Variants in NLRX1 observed in about 807,000 individuals in gnomAD.
NLRX1 encodes NLR family member X1, also known as NOD-like receptor X1.
In NLRX1, 67 loss-of-function variants were observed where a neutral mutation model predicts 74.2. The observed-to-expected ratio is 0.90, with a 90% CI of 0.74 to 1.11. The LOEUF is 1.11. Ranked by LOEUF, NLRX1 falls within the 50% of genes least tolerant of loss-of-function variation. The pLI is 0.00. For missense variants in NLRX1, 1,191 were observed against 1,305.4 expected, an observed-to-expected ratio of 0.91 and a Z score of 1.35; for synonymous variants, 506 against 559.1, an observed-to-expected ratio of 0.91 and a Z score of 1.34.
At chr11:119,182,526 C>T (rs933523703) in intron 9 of NLRX1, among the ~76,000 whole-genome samples, 181 bp downstream of exon 9, 7 of 152,146 alleles carry the variant, frequency 4.6e-5, no homozygotes, top group African/African-American at 7.2e-5. Flanking sequence ...CTGTGACTGG[C>T]GCTTAAACTG....
At chr11:119,171,558 G>T in intron 2 of NLRX1, 85 bp downstream of exon 2, 2 of 940,318 alleles carry the variant, frequency 2.1e-6, no homozygotes, top group South Asian at 1.4e-5. Flanking sequence ...CAGGGATCCA[G>T]ACACCAGGTG....
In NLRX1 at chr11:119,174,663, C is replaced by A. The variant is rs199828804; in HGVS notation, c.1060C>A (p.Leu354Ile). Residue 354 changes from leucine to isoleucine, a missense_variant, in exon 6 of 10, where the codon CTC becomes ATC. Physicochemically the swap from Leu to Ile is conservative, Grantham distance 5 (BLOSUM62 2). Coordinates refer to ENST00000409109, the MANE Select transcript of NLRX1 (RefSeq NM_001282144.2). ...TCAGCGTGACCACCTGGTGCAGATG[C>A]TCTCCCGGAACCTGGAGGGGCACCA... Reference protein sequence around the residue: ...PAQRDHLVQMLSRNLEGHHQI... With the variant: ...PAQRDHLVQMISRNLEGHHQI... The A allele has an allele frequency of 6.0e-4, 971 of 1,614,054 alleles. 4 individuals carry two copies. In the Middle Eastern group the frequency reaches 0.017, roughly 28 times the overall value.
chr11:119,173,050 G>A lies in NLRX1; in HGVS notation c.229+61G>A, dbSNP rs1361373982. ...TGGTGGGCAGACGGGGCTGGAAGGA[G>A]AAGCAGGGTGAGGGAGGCATAGAGG... On this transcript the variant is annotated intron_variant, in intron 4 of 9. Transcript: ENST00000409109. The surrounding 1 kb of genome is among the most constrained non-coding windows in gnomAD (Gnocchi z 4.0). 9.8e-6 allele frequency: 13 copies of A among 1,328,960 alleles called. No individual in the cohort carries two copies. In the African/African-American group the frequency reaches 1.7e-4, roughly 18 times the overall value. The allele number at this position is 1,328,960 out of a possible 1,614,324, so 82.3% of individuals were successfully genotyped here.
At chr11:119,182,822 G>C (rs1299614318) in intron 9 of NLRX1, among the ~76,000 whole-genome samples, 2 of 151,964 alleles carry the variant, frequency 1.3e-5, no homozygotes, top group East Asian at 3.9e-4. Flanking sequence ...GGCAGGTGGA[G>C]GTTGCAGTAA....
At chr11:119,174,391 G>A in intron 5 of NLRX1, 62 bp from the exon 6 acceptor site, 1 of 1,525,416 alleles carries the variant, frequency 6.6e-7, no homozygotes, top group Non-Finnish European at 8.9e-7. Flanking sequence ...GGGTCCCCTG[G>A]GAATAGAAGC....
At position 119,179,955 on chromosome 11, in the gene NLRX1, C is replaced by T. The variant is rs751041444; in HGVS notation, c.1934C>T (p.Pro645Leu). 6.2e-7 allele frequency: 1 copy of T among 1,613,392 alleles called. No individual in the cohort carries two copies. Among genetic ancestry groups the T allele is most frequent in the Non-Finnish European group, 8.5e-7 (1 of 1,179,568 alleles). The change falls in exon 7 of 10, where the codon CCC (proline) becomes CTC (leucine). Residue 645 changes from proline (P) to leucine (L), a missense_variant. Pro to Leu is a moderately conservative substitution (Grantham distance 98, BLOSUM62 -3). Coordinates refer to ENST00000409109, the MANE Select transcript of NLRX1 (RefSeq NM_001282144.2). ...NRAVLAQLGC[P>L]IKNLDALENA... ...GCTGTGCTAGCTCAGCTTGGCTGCC[C>T]CATCAAGAACCTGGATGCCCTGGAG...
Position 119,171,375 on chromosome 11 carries a change from C to T in NLRX1, c.-29C>T. The T allele has an allele frequency of 6.2e-7, 1 of 1,611,110 alleles. No homozygotes were observed. Among genetic ancestry groups the T allele is most frequent in the Non-Finnish European group, 8.5e-7 (1 of 1,178,828 alleles). On this transcript the variant is annotated 5_prime_UTR_variant, in exon 2 of 10. Transcript: ENST00000409109. ...TTGCAGGACAGAAGTCGGTCCTAGG[C>T]CCCCCAGGCTCTGACCTTCTTTCCC...
chr11:119,179,057 G>A (rs1371912286), intron 6 of NLRX1, among the ~76,000 whole-genome samples: 2 of 152,180 alleles, frequency 1.3e-5, no homozygotes, highest in South Asian at 2.1e-4. Context: ...GGAGCATAGC[G>A]AGTGGGGCCA....
rs1417279132 is a variant in NLRX1, at chr11:119,183,089, A to G, written c.2607-29A>G. Reference sequence around the variant, plus strand: ...GGCCCTCCTTCTCAGAGCTCTACTGAATGGCATCGACTTTCTCTCTCCTGC... The same window carrying G: ...GGCCCTCCTTCTCAGAGCTCTACTGGATGGCATCGACTTTCTCTCTCCTGC... On this transcript the variant is annotated intron_variant, in intron 9 of 9. Coordinates refer to ENST00000409109, the MANE Select transcript of NLRX1 (RefSeq NM_001282144.2). This position sits in a 1 kb window ranked among gnomAD's most constrained non-coding sequence, Gnocchi z 5.7. The G allele has an allele frequency of 2.5e-6, 4 of 1,604,404 alleles. No individual in the cohort carries two copies. Among genetic ancestry groups the G allele is most frequent in the East Asian group, 2.2e-5 (1 of 44,726 alleles).
chr11:119,171,255 TGATCCTCTCCTGGGAGGAA>T, intron 1 of NLRX1, 82 bp from the exon 2 acceptor site: 1 of 724,672 alleles, frequency 1.4e-6, no homozygotes, highest in South Asian at 2.1e-5. Flanking sequence ...GAGGAAGGGC[TGATCCTCTCCTGGGAGGAA>T]GGTCCCTCCT....
Position 119,174,912 on chromosome 11 carries a change from G to C in NLRX1, c.1309G>C (p.Val437Leu), listed in dbSNP as rs201584722. The stretch of plus-strand genomic sequence containing the variant: ...CATGGGCAAGTTGGCCTATGAGGGG[G>C]TGTCCTCCCGCAAGACCTACTTCTC... ...RTMGKLAYEG[V>L]SSRKTYFSEE... Residue 437 changes from valine to leucine, a missense_variant, in exon 6 of 10, where the codon GTG (valine) becomes CTG (leucine). Transcript: ENST00000409109. 6 of 1,613,946 alleles carry C rather than the reference G, an allele frequency of 3.7e-6. No individual in the cohort carries two copies. The highest frequency in any genetic ancestry group is 5.1e-6 in the Non-Finnish European group (6 of 1,180,060).
At chr11:119,175,908 G>A (rs1435830291) in intron 6 of NLRX1, among the ~76,000 whole-genome samples, 10 of 152,170 alleles carry the variant, frequency 6.6e-5, no homozygotes, top group Non-Finnish European at 1.2e-4. Context: ...TGTGCCAGGC[G>A]CGTTATCAGT....
chr11:119,171,000 C>T (rs940155580), intron 1 of NLRX1, among the ~76,000 whole-genome samples: 8 of 152,018 alleles, frequency 5.3e-5, no homozygotes, highest in Non-Finnish European at 1.0e-4. Context: ...AAAATTAGCC[C>T]AGTGTGGTGG....
chr11:119,179,064 G>C (rs1303835759), intron 6 of NLRX1, among the ~76,000 whole-genome samples: 1 of 152,206 alleles, frequency 6.6e-6, no homozygotes, highest in Non-Finnish European at 1.5e-5. Flanking sequence ...AGCGAGTGGG[G>C]CCAAGAGGCT....
intron 5 of NLRX1, 135 bp from the exon 6 acceptor site, chr11:119,174,318 G>A: frequency 9.5e-7 from 1 of 1,054,590 alleles, no homozygotes; most frequent in Non-Finnish European, 1.4e-6. Context: ...CAGGTGTTCA[G>A]TAATTGCTAG....
At chr11:119,182,371 C>T (rs937653559) in intron 9 of NLRX1, 26 bp downstream of exon 9, 3 of 1,598,854 alleles carry the variant, frequency 1.9e-6, no homozygotes, top group Non-Finnish European at 8.5e-7. Context: ...GGTCCCATTG[C>T]CCCCAGCCCT....
In NLRX1 at chr11:119,173,157, C is replaced by T. The variant is rs1296282759; in HGVS notation, c.229+168C>T. The T allele has an allele frequency of 4.7e-6, 3 of 635,020 alleles. No homozygotes were observed. The highest frequency in any genetic ancestry group is 8.4e-6 in the Non-Finnish European group (3 of 356,456). The allele number at this position is 635,020 out of a possible 1,614,324, so 39.3% of individuals were successfully genotyped here. On this transcript the variant is annotated intron_variant, in intron 4 of 9. Coordinates refer to ENST00000409109, the MANE Select transcript of NLRX1 (RefSeq NM_001282144.2). The surrounding 1 kb of genome is among the most constrained non-coding windows in gnomAD (Gnocchi z 4.0). ...CGTCTATGTATCCCTTCCTGCAATA[C>T]TCTTGCAATGCACACTTATATGTAC... is the stretch of plus-strand genomic sequence containing the variant.
At position 119,175,304 on chromosome 11, in the gene NLRX1, C is replaced by A. The variant is rs772532142; in HGVS notation, c.1671+30C>A. The A allele has an allele frequency of 5.1e-6, 8 of 1,579,734 alleles. No individual in the cohort carries two copies. The Admixed American group carries it at 1.0e-4, about 20-fold the overall frequency. Reference sequence around the variant, plus strand: ...CATCCCGATCAAGGTAACCCCCCAACCTGCTCCTTCCCTCCCCAGCACCCC... The same window carrying A: ...CATCCCGATCAAGGTAACCCCCCAAACTGCTCCTTCCCTCCCCAGCACCCC... On this transcript the variant is annotated intron_variant, in intron 6 of 9. Transcript: ENST00000409109.
intron 1 of NLRX1, among the ~76,000 whole-genome samples, chr11:119,170,001 A>AG (rs1948502837): frequency 6.8e-5 from 1 of 14,628 alleles, no homozygotes; most frequent in Non-Finnish European, 1.1e-4. Context: ...CTGTCTCAGG[A>AG]AAAAAAAAAA....
Sources: gnomAD v4.1 joint callset for allele counts (sites outside exome capture counted in the v4.1 genomes callset) on GRCh38, gnomAD v4.1.1 for gene constraint, Gnocchi (gnomAD v3.1) non-coding constraint, MANE v1.5 for transcripts, NCBI Gene and HGNC (gene_info 2026-07-23, HGNC 2026-07-21) for gene names.